The following SLC38A8 variants were observed in gnomAD, a reference collection of about 807,000 sequenced individuals.
The protein encoded by SLC38A8 is amino acid transporter SLC38A8.
In SLC38A8, 65 loss-of-function variants were observed where a neutral mutation model predicts 46.0. The ratio of observed to expected loss-of-function variants is 1.41; its 90% CI spans 1.16 to 1.74. SLC38A8 has a LOEUF of 1.74. Among genes scored for constraint, SLC38A8 ranks in the 40% most tolerant of loss-of-function variants. The probability of loss-of-function intolerance (pLI) is 0.00; values close to 1 mark genes in which losing one functional copy is unlikely to be tolerated. For synonymous variants in SLC38A8, 447 were observed against 243.7 expected (o/e 1.83, Z -7.77); for missense variants, 998 against 567.9 (o/e 1.76, Z -7.70).
At chr16:84,020,985 C>T (rs1174683326) in intron 7 of SLC38A8, among the ~76,000 whole-genome samples, 9 of 152,188 alleles carry the variant, frequency 5.9e-5, no homozygotes, top group Admixed American at 5.9e-4. Flanking sequence ...ACGTGAGCAG[C>T]TAAGAGTAGC....
chr16:84,018,223 CTTTTTTTTT>C (rs796178053), intron 7 of SLC38A8, among the ~76,000 whole-genome samples: 14 of 79,904 alleles, frequency 1.8e-4, no homozygotes, highest in East Asian at 5.5e-4. Flanking sequence ...GCCCTCATTC[CTTTTTTTTT>C]TTTTTTTTTT....
intron 5 of SLC38A8, among the ~76,000 whole-genome samples, chr16:84,030,996 G>C (rs996678453): frequency 6.6e-6 from 1 of 152,116 alleles, no homozygotes. Context: ...GCTGCCCCTG[G>C]CTCCCAAGGA....
rs907043 is a variant in SLC38A8, at chr16:84,032,105, A to G, written c.531-137T>C. 0.87 allele frequency: 615,837 copies of G among 705,540 alleles called. 269,365 individuals are homozygous for G. Among genetic ancestry groups the G allele is most frequent in the East Asian group, 0.91 (33,677 of 36,936 alleles). The allele number at this position is 705,540 out of a possible 1,614,324, so 43.7% of individuals were successfully genotyped here. A position where few individuals can be genotyped will look rare whatever the true frequency, so the allele number is the denominator to read the frequency against. ...CCAAGCTGTCCACCTCTGCCTCACC[A>G]TCCTCATCTGTACAGGGGGCATGTG... On this transcript the variant is annotated intron_variant, in intron 4 of 10. Coordinates refer to ENST00000299709, the MANE Select transcript of SLC38A8 (RefSeq NM_001080442.3).
intron 3 of SLC38A8, among the ~76,000 whole-genome samples, chr16:84,035,882 G>C (rs1167974146): frequency 2.0e-5 from 3 of 152,224 alleles, no homozygotes; most frequent in South Asian, 2.1e-4. Context: ...AGAATAACTA[G>C]ACCTAAAGAT....
rs753059428 is a variant in SLC38A8, at chr16:84,013,065, C to A, written c.1163-13G>T. On this transcript the variant is annotated splice_polypyrimidine_tract_variant and intron_variant, in intron 9 of 10. Transcript: ENST00000299709. Reference sequence around the variant, plus strand: ...ATGAGGCACAAACCTGCAAAAAAGACAGGGTCACCCACAGTTCTTCGTTAT... The same window carrying A: ...ATGAGGCACAAACCTGCAAAAAAGAAAGGGTCACCCACAGTTCTTCGTTAT... 63 of 1,613,960 alleles carry A rather than the reference C, an allele frequency of 3.9e-5. No homozygotes were observed. The highest frequency in any genetic ancestry group is 4.7e-5 in the Non-Finnish European group (55 of 1,179,956).
chr16:84,014,826 G>A (rs1298682553), intron 9 of SLC38A8, among the ~76,000 whole-genome samples: 1 of 152,076 alleles, frequency 6.6e-6, no homozygotes, highest in Non-Finnish European at 1.5e-5. Flanking sequence ...ACATCAGTTG[G>A]CCTCTTTGAT....
intron 10 of SLC38A8, 37 bp from the exon 11 acceptor site, chr16:84,009,914 G>C (rs1555551279): frequency 1.3e-6 from 2 of 1,589,440 alleles, no homozygotes; most frequent in South Asian, 1.1e-5. Flanking sequence ...AGCTTTTCTG[G>C]ATTTTTGCAC....
At position 84,025,643 on chromosome 16, in the gene SLC38A8, G is replaced by A. The variant is rs561399724; in HGVS notation, c.691-2754C>T. ...CCGTGAACCCACCCAGCAGCCACCA[G>A]GCCTCCCTCCACCCAGCCTCGCTCT... On this transcript the variant is annotated intron_variant, in intron 6 of 10. Coordinates refer to ENST00000299709, the MANE Select transcript of SLC38A8 (RefSeq NM_001080442.3). Among the ~76,000 whole-genome samples, 5 of 152,276 alleles carry A rather than the reference G, an allele frequency of 3.3e-5. No individual in the cohort carries two copies. The South Asian group carries it at 6.2e-4, about 19-fold the overall frequency.
Position 84,009,667 on chromosome 16 carries a change from T to G in SLC38A8, c.*117A>C. The G allele has an allele frequency of 3.6e-6, 3 of 839,310 alleles. No homozygotes were observed. Among genetic ancestry groups the G allele is most frequent in the Non-Finnish European group, 5.5e-6 (3 of 549,734 alleles). The allele number at this position is 839,310 out of a possible 1,614,324, so 52.0% of individuals were successfully genotyped here. ...GAGCAGCCCAAGGAGGCAGAAGGCA[T>G]CAGTCTCTCCAGCATCTTTATGAGG... On this transcript the variant is annotated 3_prime_UTR_variant, in exon 11 of 11. Coordinates refer to ENST00000299709, the MANE Select transcript of SLC38A8 (RefSeq NM_001080442.3).
chr16:84,040,667 C>A (rs932371836), intron 2 of SLC38A8, among the ~76,000 whole-genome samples: 1 of 152,228 alleles, frequency 6.6e-6, no homozygotes, highest in Non-Finnish European at 1.5e-5. Context: ...CGTGCTGCCC[C>A]GTCACGTGCA....
chr16:84,011,986 G>A (rs565062611), intron 10 of SLC38A8, among the ~76,000 whole-genome samples: 2 of 152,258 alleles, frequency 1.3e-5, no homozygotes, highest in African/African-American at 4.8e-5. Context: ...GTAGCCACAG[G>A]CCAAGGAGCA....
intron 2 of SLC38A8, among the ~76,000 whole-genome samples, chr16:84,039,501 T>C (rs2085343139): frequency 6.6e-6 from 1 of 151,942 alleles, no homozygotes; most frequent in South Asian, 2.1e-4. Flanking sequence ...TCCCAGCACT[T>C]TGGGAGGCCA....
chr16:84,029,193 G>C (rs982219093), intron 6 of SLC38A8, among the ~76,000 whole-genome samples: 1 of 152,168 alleles, frequency 6.6e-6, no homozygotes, highest in South Asian at 2.1e-4. Flanking sequence ...GGAAGGGACA[G>C]GTCCCGGGTC....
intron 6 of SLC38A8, among the ~76,000 whole-genome samples, chr16:84,023,685 G>T (rs1038572757): frequency 1.3e-5 from 2 of 152,206 alleles, no homozygotes; most frequent in Non-Finnish European, 2.9e-5. Flanking sequence ...CTTGAGGTCA[G>T]GAGTTTGAGA....
chr16:84,016,770 C>A lies in SLC38A8; in HGVS notation c.954-43G>T, dbSNP rs376869779. On this transcript the variant is annotated intron_variant, in intron 8 of 10. Transcript: ENST00000299709. ...CACAGACACATGGGCATCTCAGGGG[C>A]ACCAGCCTCCACCCGACAGCTGCTC... is the stretch of plus-strand genomic sequence containing the variant. The A allele has an allele frequency of 7.0e-6, 11 of 1,577,790 alleles. No homozygotes were observed. The African/African-American group carries it at 9.4e-5, about 14-fold the overall frequency.
intron 7 of SLC38A8, among the ~76,000 whole-genome samples, chr16:84,021,906 T>A (rs1189535483): frequency 6.6e-6 from 1 of 152,222 alleles, no homozygotes; most frequent in Non-Finnish European, 1.5e-5. Context: ...GAGTGTCACA[T>A]GGCAAGGGGG....
At chr16:84,020,287 G>A (rs544760198) in intron 7 of SLC38A8, among the ~76,000 whole-genome samples, 3 of 152,106 alleles carry the variant, frequency 2.0e-5, no homozygotes, top group African/African-American at 7.2e-5. Flanking sequence ...GGAACTACAG[G>A]CTCACACCAC....
chr16:84,026,568 G>A (rs2151120930), intron 6 of SLC38A8, among the ~76,000 whole-genome samples: 1 of 152,288 alleles, frequency 6.6e-6, no homozygotes. Context: ...GCCTGCTGAG[G>A]GCAGGCAGTA....
intron 9 of SLC38A8, among the ~76,000 whole-genome samples, chr16:84,015,094 G>A (rs759384186): frequency 6.6e-6 from 1 of 152,126 alleles, no homozygotes; most frequent in South Asian, 2.1e-4. Context: ...CCCCAAGCTC[G>A]ATGTCTGTTT....
Sources: allele counts gnomAD v4.1 joint callset (sites outside exome capture counted in the v4.1 genomes callset), GRCh38; gene constraint gnomAD v4.1.1; transcripts MANE v1.5; gene names NCBI Gene and HGNC (gene_info 2026-07-23, HGNC 2026-07-21).